KCNIP4: variants seen among roughly 807,000 people sequenced by gnomAD.
KCNIP4 encodes potassium voltage-gated channel interacting protein 4.
In KCNIP4, 12 loss-of-function variants were observed where a neutral mutation model predicts 34.0. The observed-to-expected ratio is 0.35, with a 90% CI of 0.23 to 0.57. KCNIP4 has a LOEUF of 0.57. Ranked by LOEUF, KCNIP4 falls within the 20% of genes least tolerant of loss-of-function variation. The pLI, the probability that KCNIP4 is intolerant of heterozygous loss-of-function variation, is 0.83. For synonymous variants in KCNIP4, 124 were observed against 102.2 expected (o/e 1.21, Z -1.29); for missense variants, 238 against 311.7 (o/e 0.76, Z 1.78).
At chr4:21,365,511 A>G (rs895300878) in intron 1 of KCNIP4, among the ~76,000 whole-genome samples, 7 of 104,540 alleles carry the variant, frequency 6.7e-5, no homozygotes, top group Non-Finnish European at 1.0e-4. Flanking sequence ...ATAAATAAAT[A>G]AATAAATAAA....
chr4:21,795,033 C>T (rs1448174726), intron 1 of KCNIP4, among the ~76,000 whole-genome samples: 1 of 152,136 alleles, frequency 6.6e-6, no homozygotes, highest in Non-Finnish European at 1.5e-5. Context: ...ACTGAATTTT[C>T]AGTTCCCCCC....
chr4:20,951,873 G>T (rs953400319), intron 1 of KCNIP4, among the ~76,000 whole-genome samples: 1 of 152,122 alleles, frequency 6.6e-6, no homozygotes, highest in Non-Finnish European at 1.5e-5. Context: ...AGGATGGCTG[G>T]CTTCCTTTCT....
chr4:21,383,299 CA>C (rs1186772481), intron 1 of KCNIP4, among the ~76,000 whole-genome samples: 1 of 130,994 alleles, frequency 7.6e-6, no homozygotes, highest in African/African-American at 2.8e-5. Flanking sequence ...ATACATTTAG[CA>C]AGTTATAAAT....
At chr4:21,409,192 G>C (rs6840041) in intron 1 of KCNIP4, among the ~76,000 whole-genome samples, 7,360 of 150,172 alleles carry the variant, frequency 0.049, 460 homozygotes, top group African/African-American at 0.14. Flanking sequence ...CTGCAACCTC[G>C]ACCTCCTGGG....
At chr4:21,769,034 T>C (rs943834729) in intron 1 of KCNIP4, among the ~76,000 whole-genome samples, 1 of 152,088 alleles carries the variant, frequency 6.6e-6, no homozygotes, top group African/African-American at 2.4e-5. Context: ...ACTAGAAATA[T>C]AGCTAGTACA....
chr4:21,390,987 G>A (rs1042049303), intron 1 of KCNIP4, among the ~76,000 whole-genome samples: 2 of 152,034 alleles, frequency 1.3e-5, no homozygotes, highest in African/African-American at 4.8e-5. Context: ...TATTATCATT[G>A]TTTTTTATTA....
intron 1 of KCNIP4, among the ~76,000 whole-genome samples, chr4:21,643,870 T>TAGATAGATAGATA (rs1553915310): frequency 8.4e-5 from 9 of 107,708 alleles, no homozygotes; most frequent in African/African-American, 2.0e-4. Flanking sequence ...ATGATGATGA[T>TAGATAGATAGATA]GATAGATAGA....
chr4:21,581,345 C>T (rs974511290), intron 1 of KCNIP4, among the ~76,000 whole-genome samples: 1 of 151,930 alleles, frequency 6.6e-6, no homozygotes, highest in African/African-American at 2.4e-5. Context: ...CTGGAAAAGA[C>T]TATAGACATG....
At chr4:20,943,522 T>C (rs563075015) in intron 1 of KCNIP4, among the ~76,000 whole-genome samples, 4 of 152,230 alleles carry the variant, frequency 2.6e-5, no homozygotes, top group Non-Finnish European at 4.4e-5. Context: ...TGAATGCTTA[T>C]TATGGGCCAG....
chr4:21,742,252 C>T (rs1274267862), intron 1 of KCNIP4, among the ~76,000 whole-genome samples: 6 of 152,026 alleles, frequency 3.9e-5, no homozygotes, highest in Non-Finnish European at 7.4e-5. Context: ...GAGAGGGTCC[C>T]CAAAACTAAT....
chr4:21,058,360 C>A (rs577433388), intron 1 of KCNIP4, among the ~76,000 whole-genome samples: 3 of 151,994 alleles, frequency 2.0e-5, no homozygotes, highest in Admixed American at 2.0e-4. Flanking sequence ...AAGTGATGGG[C>A]GCAAAGGAAG....
intron 3 of KCNIP4, among the ~76,000 whole-genome samples, chr4:20,808,652 T>C (rs1003372259): frequency 6.6e-6 from 1 of 152,192 alleles, no homozygotes; most frequent in Admixed American, 6.5e-5. Context: ...GTATATCCTC[T>C]TGTGTCCTGG....
intron 1 of KCNIP4, among the ~76,000 whole-genome samples, chr4:21,080,246 C>T (rs533704844): frequency 1.9e-4 from 29 of 151,860 alleles, no homozygotes; most frequent in African/African-American, 5.8e-4. Flanking sequence ...TATTTCCTCA[C>T]CTATAATATG....
chr4:20,919,675 C>A (rs2149584344), intron 1 of KCNIP4, among the ~76,000 whole-genome samples: 1 of 145,522 alleles, frequency 6.9e-6, no homozygotes, highest in Middle Eastern at 3.6e-3. Flanking sequence ...TGCACTCCAG[C>A]CTGGGCAACA....
intron 1 of KCNIP4, among the ~76,000 whole-genome samples, chr4:21,842,977 G>A (rs1723778499): frequency 6.6e-6 from 1 of 152,024 alleles, no homozygotes; most frequent in African/African-American, 2.4e-5. Flanking sequence ...TAAGTGCTCA[G>A]TAAAAATTAG....
At chr4:21,279,281 C>G (rs899212712) in intron 1 of KCNIP4, among the ~76,000 whole-genome samples, 1 of 152,010 alleles carries the variant, frequency 6.6e-6, no homozygotes, top group Non-Finnish European at 1.5e-5. Flanking sequence ...CAAGTTGCTG[C>G]TTTTCTGGTT....
intron 1 of KCNIP4, among the ~76,000 whole-genome samples, chr4:21,743,371 A>G (rs1716551517): frequency 6.7e-6 from 1 of 149,108 alleles, no homozygotes; most frequent in Admixed American, 6.7e-5. Flanking sequence ...AGTCTTCATC[A>G]CACTATGTCA....
chr4:21,018,456 G>T (rs976570231), intron 1 of KCNIP4, among the ~76,000 whole-genome samples: 1 of 152,166 alleles, frequency 6.6e-6, no homozygotes, highest in African/African-American at 2.4e-5. Context: ...ACTCCTGAAT[G>T]TTTGCACTAA....
chr4:20,921,901 A>G (rs778661831), intron 1 of KCNIP4, among the ~76,000 whole-genome samples: 1 of 152,252 alleles, frequency 6.6e-6, no homozygotes, highest in East Asian at 1.9e-4. Context: ...TCTTTACAGT[A>G]TGCTAGATTT....
Sources: gnomAD v4.1 joint callset for allele counts (sites outside exome capture counted in the v4.1 genomes callset) on GRCh38, gnomAD v4.1.1 for gene constraint, MANE v1.5 for transcripts, NCBI Gene and HGNC (gene_info 2026-07-23, HGNC 2026-07-21) for gene names.